ZNF483: variants seen among roughly 807,000 people sequenced by gnomAD.
ZNF483 encodes the protein zinc finger protein 483, also known as zinc finger protein HIT-10.
In ZNF483, 9 loss-of-function variants were observed where a neutral mutation model predicts 28.6. The ratio of observed to expected loss-of-function variants is 0.32; its 90% CI spans 0.19 to 0.55. The LOEUF is 0.55. Ranked by LOEUF, ZNF483 falls within the 20% of genes least tolerant of loss-of-function variation. The probability of loss-of-function intolerance (pLI) is 0.93; values close to 1 mark genes in which losing one functional copy is unlikely to be tolerated. For synonymous variants in ZNF483, 322 were observed against 306.2 expected (o/e 1.05, Z -0.54); for missense variants, 675 against 871.7 (o/e 0.77, Z 2.84).
rs749765732 is a variant in ZNF483, at chr9:111,541,706, T to A, written c.771T>A (p.Asp257Glu). The change falls in exon 6 of 6, where the codon GAT (aspartate) becomes GAA (glutamate). Residue 257 changes from aspartate to glutamate, a missense_variant. Physicochemically the swap from Asp to Glu is conservative, Grantham distance 45. Transcript: ENST00000309235. The stretch of plus-strand genomic sequence containing the variant: ...TAGAAAGGTGCCTCAGGGATGATGA[T>A]CATGGCTTGATGGAAGAATCCCAGC... ...KIIERCLRDDDHGLMEESQQY... is the reference protein window; with the variant it reads ...KIIERCLRDDEHGLMEESQQY... The A allele has an allele frequency of 6.2e-7, 1 of 1,613,940 alleles. No homozygotes were observed. Among genetic ancestry groups the A allele is most frequent in the Non-Finnish European group, 8.5e-7 (1 of 1,179,968 alleles).
At chr9:111,561,152 A>AGAGGGG (rs1564608138) in intron 5 of ZNF483, among the ~76,000 whole-genome samples, 2 of 73,698 alleles carry the variant, frequency 2.7e-5, no homozygotes, top group African/African-American at 7.3e-5. Context: ...AGAGAGGGAG[A>AGAGGGG]GAGAGAGAGA....
chr9:111,542,394 A>G lies in ZNF483; in HGVS notation c.1459A>G (p.Arg487Gly). ...TAGTTCATCGCTCACACCACATCATAGAACTCATAGTGGAGAGAAACCCTT... is the reference window on the plus strand; with the variant it reads ...TAGTTCATCGCTCACACCACATCATGGAACTCATAGTGGAGAGAAACCCTT... ...SDSSSLTPHH[R>G]THSGEKPFKC... Residue 487 changes from arginine (R) to glycine (G), a missense_variant, in exon 6 of 6, where the codon AGA becomes GGA. By Grantham distance (125) the Arg-to-Gly change is moderately radical (BLOSUM62 -2). Transcript: ENST00000309235. The surrounding 1 kb of genome is among the most constrained non-coding windows in gnomAD (Gnocchi z 6.2). 1 of 1,614,204 alleles carries G rather than the reference A, an allele frequency of 6.2e-7. No individual in the cohort carries two copies. Among genetic ancestry groups the G allele is most frequent in the Non-Finnish European group, 8.5e-7 (1 of 1,180,038 alleles).
At chr9:111,528,731 C>T (rs914349140) in intron 2 of ZNF483, among the ~76,000 whole-genome samples, 3 of 152,116 alleles carry the variant, frequency 2.0e-5, no homozygotes, top group Non-Finnish European at 4.4e-5. Flanking sequence ...ACACTTAATT[C>T]GCCATCACGC....
At chr9:111,575,018 C>T (rs16916178) in intron 5 of ZNF483, among the ~76,000 whole-genome samples, 6,251 of 152,238 alleles carry the variant, frequency 0.041, 419 homozygotes, top group African/African-American at 0.14. Context: ...CAGGCATTTT[C>T]GGCCGGGCAC....
chr9:111,568,964 C>T (rs557973621), intron 5 of ZNF483, among the ~76,000 whole-genome samples: 14 of 152,048 alleles, frequency 9.2e-5, no homozygotes, highest in South Asian at 6.2e-4. Flanking sequence ...GACATGGGTA[C>T]GACAGAAAGA....
At position 111,551,619 on chromosome 9, in the gene ZNF483, C is replaced by T. The variant is rs1465998281; in HGVS notation, c.*8449C>T. ...GTTTCACTGTGTTGCCCAGGCTGTT[C>T]TCCAACTCCTAAGCCCAGGCAATCT... On this transcript the variant is annotated 3_prime_UTR_variant, in exon 6 of 6. Coordinates refer to ENST00000309235, the MANE Select transcript of ZNF483 (RefSeq NM_133464.5). Among the ~76,000 whole-genome samples, 1 of 151,938 alleles carries T rather than the reference C, an allele frequency of 6.6e-6. No homozygotes were observed. The highest frequency in any genetic ancestry group is 1.5e-5 in the Non-Finnish European group (1 of 67,956).
intron 3 of ZNF483, among the ~76,000 whole-genome samples, chr9:111,531,530 C>A (rs1827346559): frequency 6.6e-6 from 1 of 152,116 alleles, no homozygotes; most frequent in African/African-American, 2.4e-5. Context: ...GCTCCTGCCA[C>A]CATGCCCGGC....
At chr9:111,565,491 C>T (rs1044863845) in intron 5 of ZNF483, among the ~76,000 whole-genome samples, 2 of 152,142 alleles carry the variant, frequency 1.3e-5, no homozygotes, top group African/African-American at 4.8e-5. Flanking sequence ...TCTGTACTAT[C>T]TTCCCAATTT....
chr9:111,570,334 T>C, intron 5 of ZNF483: 2 of 1,419,214 alleles, frequency 1.4e-6, no homozygotes, highest in Non-Finnish European at 1.9e-6. Flanking sequence ...CCCTTCCATT[T>C]CCTCACTCCT....
At chr9:111,539,398 T>G (rs1306265608) in intron 5 of ZNF483, 1 of 456,058 alleles carries the variant, frequency 2.2e-6, no homozygotes. Flanking sequence ...AGTATAACCT[T>G]TCTACCCTTT....
chr9:111,542,297 C>T lies in ZNF483; in HGVS notation c.1362C>T (p.Leu454=). Residue 454 remains leucine (L), a synonymous_variant, in exon 6 of 6, where the codon CTC becomes CTT. Coordinates refer to ENST00000309235, the MANE Select transcript of ZNF483 (RefSeq NM_133464.5). The surrounding 1 kb of genome is among the most constrained non-coding windows in gnomAD (Gnocchi z 6.2). ...CGKAFGYSAS[L]TKHRRIHTGE... ...AAGCCTTTGGCTATAGCGCCTCACT[C>T]ACCAAACATCGGAGAATTCACACTG... 1 of 1,614,128 alleles carries T rather than the reference C, an allele frequency of 6.2e-7. No homozygotes were observed.
chr9:111,543,182 C>T lies in ZNF483; in HGVS notation c.*12C>T. 3.2e-6 allele frequency: 5 copies of T among 1,572,318 alleles called. No homozygotes were observed. Among genetic ancestry groups the T allele is most frequent in the Non-Finnish European group, 3.4e-6 (4 of 1,160,312 alleles). On this transcript the variant is annotated 3_prime_UTR_variant, in exon 6 of 6. Coordinates refer to ENST00000309235, the MANE Select transcript of ZNF483 (RefSeq NM_133464.5). ...ACTCTGCAGAGTAATCCTGGAACTACATTAAAGTGGGGGGAATTTAATTCA... is the reference window on the plus strand; with the variant it reads ...ACTCTGCAGAGTAATCCTGGAACTATATTAAAGTGGGGGGAATTTAATTCA...
At position 111,550,054 on chromosome 9, in the gene ZNF483, TTG is replaced by T. The variant is rs1827894072; in HGVS notation, c.*6886_*6887del. Among the ~76,000 whole-genome samples, 1 of 152,000 alleles carries T rather than the reference TTG, an allele frequency of 6.6e-6. No homozygotes were observed. The highest frequency in any genetic ancestry group is 6.5e-5 in the Admixed American group (1 of 15,272). ...TTTCCCCAGGGTTTATTTTTTGTTG[TTG>T]TTTTTTGTGTTGTGTGTTTTTTGTT... On this transcript the variant is annotated 3_prime_UTR_variant, in exon 6 of 6. Coordinates refer to ENST00000309235, the MANE Select transcript of ZNF483 (RefSeq NM_133464.5).
chr9:111,534,470 A>C, intron 5 of ZNF483, 117 bp downstream of exon 5: 1 of 824,680 alleles, frequency 1.2e-6, no homozygotes, highest in Middle Eastern at 2.3e-4. Flanking sequence ...ATTAGAATAG[A>C]GCCCTTGCCT....
chr9:111,535,005 G>A (rs1193158558), intron 5 of ZNF483, among the ~76,000 whole-genome samples: 3 of 152,172 alleles, frequency 2.0e-5, no homozygotes, highest in African/African-American at 7.2e-5. Context: ...TTACAGGTAT[G>A]AGCCACCACG....
At position 111,542,124 on chromosome 9, in the gene ZNF483, A is replaced by G. The variant is rs1827689026; in HGVS notation, c.1189A>G (p.Ile397Val). ...GTCCCAAAAATGCAGTAAGTGTGGG[A>G]TAATCTTTATTAGAAGATCAACTCT... ...DRSQKCSKCGIIFIRRSTLSR... is the reference protein window; with the variant it reads ...DRSQKCSKCGVIFIRRSTLSR... The change falls in exon 6 of 6, where the codon ATA (isoleucine) becomes GTA (valine). Residue 397 changes from isoleucine (I) to valine (V), a missense_variant. Ile to Val is a conservative substitution (Grantham distance 29). This residue lies in a region of ZNF483 where 525 missense variants were observed against 581.8 expected (regional missense o/e 0.90). Coordinates refer to ENST00000309235, the MANE Select transcript of ZNF483 (RefSeq NM_133464.5). This position sits in a 1 kb window ranked among gnomAD's most constrained non-coding sequence, Gnocchi z 6.2. The G allele has an allele frequency of 1.9e-6, 3 of 1,614,046 alleles. No homozygotes were observed. The highest frequency in any genetic ancestry group is 3.3e-5 in the Admixed American group (2 of 60,008).
Position 111,546,858 on chromosome 9 carries a change from C to G in ZNF483, c.*3688C>G, listed in dbSNP as rs1464857349. 6.6e-6 allele frequency among the ~76,000 whole-genome samples: 1 copy of G among 152,118 alleles called. No homozygotes were observed. Among genetic ancestry groups the G allele is most frequent in the Non-Finnish European group, 1.5e-5 (1 of 67,988 alleles). On this transcript the variant is annotated 3_prime_UTR_variant, in exon 6 of 6. Coordinates refer to ENST00000309235, the MANE Select transcript of ZNF483 (RefSeq NM_133464.5). ...AACTCCCCATTTTCTCCTCCTCAGG[C>G]TCCTGGTAACCACTGTTCTACTTCC...
chr9:111,571,041 A>G (rs1031673490), intron 5 of ZNF483, among the ~76,000 whole-genome samples: 2 of 132,394 alleles, frequency 1.5e-5, no homozygotes, highest in Admixed American at 8.3e-5. Flanking sequence ...AAGGCAAGGA[A>G]GCAGATTCTC....
In ZNF483 at chr9:111,544,415, AAAAAC is replaced by A. The variant is rs1827757836; in HGVS notation, c.*1249_*1253del. On this transcript the variant is annotated 3_prime_UTR_variant, in exon 6 of 6. Transcript: ENST00000309235. The stretch of plus-strand genomic sequence containing the variant: ...ATCTAAAATTAGGGCATTTCATACT[AAAAAC>A]AAAGCTTGTCTTAAAAAAAATTATA... The A allele has an allele frequency of 1.7e-5, 16 of 967,028 alleles. No individual in the cohort carries two copies. The South Asian group carries it at 4.8e-4, about 29-fold the overall frequency. 59.9% of individuals were successfully genotyped at this position (967,028 alleles called of 1,614,324 possible). A position where few individuals can be genotyped will look rare whatever the true frequency, so the allele number is the denominator to read the frequency against.
Sources: gnomAD v4.1 joint callset for allele counts (sites outside exome capture counted in the v4.1 genomes callset) on GRCh38, gnomAD v4.1.1 for gene constraint, gnomAD v4.1.1 regional missense constraint, Gnocchi (gnomAD v3.1) non-coding constraint, MANE v1.5 for transcripts, NCBI Gene and HGNC (gene_info 2026-07-23, HGNC 2026-07-21) for gene names.